Variants in CHRNE observed in about 807,000 individuals in gnomAD.
CHRNE encodes the protein acetylcholine receptor subunit epsilon.
CHRNE carries 58 observed loss-of-function variants against 56.5 expected under a neutral mutation model. That is an observed-to-expected ratio of 1.03 (90% CI 0.83 to 1.28). CHRNE has a LOEUF of 1.28. Among genes scored for constraint, CHRNE ranks in the 50% most tolerant of loss-of-function variants. CHRNE has a pLI of 0.00. For synonymous variants in CHRNE, 385 were observed against 297.9 expected, an observed-to-expected ratio of 1.29 and a Z score of -3.01; for missense variants, 793 against 688.9, an observed-to-expected ratio of 1.15 and a Z score of -1.69.
rs767374241 is a variant in CHRNE at position 4,899,313 on chromosome 17, G to A, written c.1104C>T (p.Pro368=). The A allele has an allele frequency of 8.6e-5, 136 of 1,577,552 alleles. No individual in the cohort carries two copies. The highest frequency in any genetic ancestry group is 3.5e-4 in the Middle Eastern group (2 of 5,742). ...AGCCCACCGACGACGCCCGCCTTGG[G>A]GGCGAGGCGGCCCGGGGGGCCTCGG... ...PPPEAPRAAS[P]PRRASSVGLL... The change falls in exon 10 of 12, where the codon CCC becomes CCT. Residue 368 remains proline, a synonymous_variant. Coordinates refer to ENST00000649488, the MANE Select transcript of CHRNE (RefSeq NM_000080.4).
At chr17:4,901,465 G>A in intron 6 of CHRNE, 60 bp downstream of exon 6, 1 of 1,511,076 alleles carries the variant, frequency 6.6e-7, no homozygotes, top group Non-Finnish European at 9.2e-7. Context: ...GCCCACCGTG[G>A]AAGTCCCCTC....
At position 4,900,997 on chromosome 17, in the gene CHRNE, CG is replaced by C. The variant is rs756675414; in HGVS notation, c.794del (p.Pro265ArgfsTer35). ...TTCGGGGCCACTGCTTACCCTGCGC[CG>C]GCAGGAAGTAGGCGAGCAGCACCAG... is the stretch of plus-strand genomic sequence containing the variant. ...SGLVLLAYFL[P>X]AQAGGQKCTV... On this transcript the variant is annotated frameshift_variant, in exon 7 of 12. Transcript: ENST00000649488. LOFTEE classifies it high-confidence loss of function. 38 of 1,613,824 alleles carry C rather than the reference CG, an allele frequency of 2.4e-5. No individual in the cohort carries two copies. The highest frequency in any genetic ancestry group is 3.0e-5 in the Non-Finnish European group (35 of 1,179,890).
At chr17:4,905,790 G>T (rs1970086175), upstream of CHRNE, among the ~76,000 whole-genome samples, 1 of 151,770 alleles carries the variant, frequency 6.6e-6, no homozygotes, top group African/African-American at 2.4e-5. Flanking sequence ...GAACCTGGGA[G>T]ACGGAGGTTG....
rs111413308 is a variant in CHRNE, at chr17:4,901,883, G to C, written c.500+49C>G. 23 of 1,215,732 alleles carry C rather than the reference G, an allele frequency of 1.9e-5. No individual in the cohort carries two copies. In the Admixed American group the frequency reaches 2.1e-4, roughly 11 times the overall value. 75.3% of individuals were successfully genotyped at this position (1,215,732 alleles called of 1,614,324 possible). On this transcript the variant is annotated intron_variant, in intron 5 of 11. Transcript: ENST00000649488. ...CTTCCCGGTTGGCCCCGCCCCATAAGGCCCCCCCCCAACAATAATCGTCCG... is the reference window on the plus strand; with the variant it reads ...CTTCCCGGTTGGCCCCGCCCCATAACGCCCCCCCCCAACAATAATCGTCCG...
Position 4,902,835 on chromosome 17 carries a change from C to G in CHRNE, c.47-72G>C. On this transcript the variant is annotated intron_variant, in intron 1 of 11. Coordinates refer to ENST00000649488, the MANE Select transcript of CHRNE (RefSeq NM_000080.4). The surrounding 1 kb of genome is among the most constrained non-coding windows in gnomAD (Gnocchi z 4.0). ...GAGCACCTCTCTCCCCTCTGCCTCC[C>G]CTGGGTCCTCACAGGCCTCTGAGGC... is the stretch of plus-strand genomic sequence containing the variant. 1.9e-6 allele frequency: 3 copies of G among 1,609,210 alleles called. No homozygotes were observed. Among genetic ancestry groups the G allele is most frequent in the Non-Finnish European group, 2.6e-6 (3 of 1,176,236 alleles).
Position 4,897,991 on chromosome 17 carries a change from C to CCCCCCCT in CHRNE, c.*744_*745insAGGGGGG, listed in dbSNP as rs1555545738. ...GCAAGTAACCCTTCTCCCTCCCCCC[C>CCCCCCCT]CACCCCTCCTCAATGTAGTGGCCTT... On this transcript the variant is annotated 3_prime_UTR_variant, in exon 12 of 12. Coordinates refer to ENST00000649488, the MANE Select transcript of CHRNE (RefSeq NM_000080.4). 3.4e-5 allele frequency: 5 copies of CCCCCCCT among 145,830 alleles called. No individual in the cohort carries two copies. The highest frequency in any genetic ancestry group is 6.8e-5 in the Admixed American group (1 of 14,656). The allele number at this position is 145,830 out of a possible 1,614,324, so 9.0% of individuals were successfully genotyped here.
chr17:4,905,588 G>A (rs564226644), upstream of CHRNE, among the ~76,000 whole-genome samples: 33 of 150,668 alleles, frequency 2.2e-4, no homozygotes, highest in African/African-American at 7.3e-4. Flanking sequence ...GGCTGGATGC[G>A]GTGGCTCAAC....
At chr17:4,906,159 C>T (rs72835064), upstream of CHRNE, among the ~76,000 whole-genome samples, 9,842 of 152,216 alleles carry the variant, frequency 0.065, 412 homozygotes, top group Non-Finnish European at 0.093. Context: ...CTTTTGTTCC[C>T]GTTGCTACTG....
At position 4,902,400 on chromosome 17, in the gene CHRNE, A is replaced by T; in HGVS notation, c.234+50T>A. On this transcript the variant is annotated intron_variant, in intron 3 of 11. Coordinates refer to ENST00000649488, the MANE Select transcript of CHRNE (RefSeq NM_000080.4). This position sits in a 1 kb window ranked among gnomAD's most constrained non-coding sequence, Gnocchi z 4.0. ...CGCTGCCTGGGAGGGGTTTGGGGGAAAAGGGGTGCCCTGGACAAGACCTCA... is the reference window on the plus strand; with the variant it reads ...CGCTGCCTGGGAGGGGTTTGGGGGATAAGGGGTGCCCTGGACAAGACCTCA... 1 of 1,613,944 alleles carries T rather than the reference A, an allele frequency of 6.2e-7. No individual in the cohort carries two copies. Among genetic ancestry groups the T allele is most frequent in the South Asian group, 1.1e-5 (1 of 91,074 alleles).
upstream of CHRNE, among the ~76,000 whole-genome samples, chr17:4,906,546 C>T (rs1479632106): frequency 6.6e-6 from 1 of 152,022 alleles, no homozygotes; most frequent in Non-Finnish European, 1.5e-5. Context: ...AGACGCTTCT[C>T]AAAATAAGAC....
At position 4,899,455 on chromosome 17, in the gene CHRNE, C is replaced by G. The variant is rs765913515; in HGVS notation, c.1032+13G>C. On this transcript the variant is annotated intron_variant, in intron 9 of 11. Coordinates refer to ENST00000649488, the MANE Select transcript of CHRNE (RefSeq NM_000080.4). ...CACCCCGACCCGGGCTGCACCGCCC[C>G]CTCCGCGCTTACGTGGCGCAGCCGC... is the stretch of plus-strand genomic sequence containing the variant. The G allele has an allele frequency of 1.3e-6, 2 of 1,573,918 alleles. No individual in the cohort carries two copies. The highest frequency in any genetic ancestry group is 8.6e-7 in the Non-Finnish European group (1 of 1,161,104).
rs765028313 is a variant in CHRNE, at chr17:4,901,642, G to A, written c.501-17C>T. ...GTCTGAGAGCTGCGGAGCCAGGGCCGGGAGCCCACCCCAGAAGCTCTGACC... is the reference window on the plus strand; with the variant it reads ...GTCTGAGAGCTGCGGAGCCAGGGCCAGGAGCCCACCCCAGAAGCTCTGACC... On this transcript the variant is annotated splice_polypyrimidine_tract_variant and intron_variant, in intron 5 of 11. Transcript: ENST00000649488. 3.7e-6 allele frequency: 6 copies of A among 1,610,454 alleles called. No homozygotes were observed. The Admixed American group carries it at 5.0e-5, about 13-fold the overall frequency.
At chr17:4,901,841 C>G in intron 5 of CHRNE, 91 bp downstream of exon 5, 3 of 1,576,836 alleles carry the variant, frequency 1.9e-6, no homozygotes, top group Non-Finnish European at 2.6e-6. Flanking sequence ...GCGCGAAGCC[C>G]CGCCCCGAGG....
chr17:4,902,306 G>C lies in CHRNE; in HGVS notation c.255C>G (p.Leu85=), dbSNP rs752486312. The C allele has an allele frequency of 1.2e-6, 2 of 1,614,200 alleles. No homozygotes were observed. The highest frequency in any genetic ancestry group is 1.7e-5 in the Admixed American group (1 of 60,030). Residue 85 remains leucine, a synonymous_variant, in exon 4 of 12, where the codon CTC becomes CTG. Transcript: ENST00000649488. This position sits in a 1 kb window ranked among gnomAD's most constrained non-coding sequence, Gnocchi z 4.0. The part of the protein sequence containing the change: ...WIGIDWQDYR[L]NYSKDDFGGI... ...CCCCAAAGTCGTCCTTGCTGTAGTT[G>C]AGTCGGTAATCCTGCCAATCCTAAG... is the stretch of plus-strand genomic sequence containing the variant.
chr17:4,900,037 A>AC (rs1969922333), intron 8 of CHRNE: 2 of 1,551,316 alleles, frequency 1.3e-6, no homozygotes, highest in East Asian at 4.9e-5. Flanking sequence ...CCCTGGAGCC[A>AC]CCCGAACCGA....
Position 4,900,806 on chromosome 17 carries a change from G to C in CHRNE, c.904C>G (p.Pro302Ala), listed in dbSNP as rs979787967. 1.9e-6 allele frequency: 3 copies of C among 1,613,622 alleles called. No individual in the cohort carries two copies. Among genetic ancestry groups the C allele is most frequent in the Non-Finnish European group, 2.5e-6 (3 of 1,179,784 alleles). Residue 302 changes from proline (P) to alanine (A), a missense_variant, in exon 8 of 12, where the codon CCG becomes GCG. By Grantham distance (27) the Pro-to-Ala change is conservative. Transcript: ENST00000649488. ...QKIPETSLSV[P>A]LLGRFLIFVM... ...CTCCGGCTTCACCTGCCCAGGAGCG[G>C]CACGCTCAGAGAAGTCTCTGGGATT... is the stretch of plus-strand genomic sequence containing the variant.
At chr17:4,905,494 G>A (rs1291564817), upstream of CHRNE, among the ~76,000 whole-genome samples, 17 of 152,168 alleles carry the variant, frequency 1.1e-4, no homozygotes, top group Admixed American at 1.1e-3. Context: ...GACCCTAAGA[G>A]ATCAAGGACA....
chr17:4,902,693 G>T lies in CHRNE; in HGVS notation c.117C>A (p.Ser39Arg), dbSNP rs1970031660. Residue 39 changes from serine to arginine, a missense_variant, in exon 2 of 12, where the codon AGC (serine) becomes AGA (arginine). By Grantham distance (110) the Ser-to-Arg change is moderately radical. Transcript: ENST00000649488. The surrounding 1 kb of genome is among the most constrained non-coding windows in gnomAD (Gnocchi z 4.0). ...TATCCTCAGGCTCCCGCACTGGCCGGCTTCCTGGGTCATAGTTGTTGAAGA... is the reference window on the plus strand; with the variant it reads ...TATCCTCAGGCTCCCGCACTGGCCGTCTTCCTGGGTCATAGTTGTTGAAGA... ...HHLFNNYDPGSRPVREPEDTV... is the reference protein window; with the variant it reads ...HHLFNNYDPGRRPVREPEDTV... 1 of 1,614,010 alleles carries T rather than the reference G, an allele frequency of 6.2e-7. No individual in the cohort carries two copies. Among genetic ancestry groups the T allele is most frequent in the African/African-American group, 1.3e-5 (1 of 74,878 alleles).
At chr17:4,899,981 G>A (rs1283953516) in intron 8 of CHRNE, 6 of 1,551,524 alleles carry the variant, frequency 3.9e-6, no homozygotes, top group East Asian at 2.4e-5. Flanking sequence ...ACTCTCCGTG[G>A]CCGCAGCCCA....
Sources: gnomAD v4.1 joint callset for allele counts (sites outside exome capture counted in the v4.1 genomes callset) on GRCh38, gnomAD v4.1.1 for gene constraint, Gnocchi (gnomAD v3.1) non-coding constraint, MANE v1.5 for transcripts, NCBI Gene and HGNC (gene_info 2026-07-23, HGNC 2026-07-21) for gene names.